HOOK3: variants seen among roughly 807,000 people sequenced by gnomAD.
The protein encoded by HOOK3 is hook microtubule tethering protein 3, also known as protein Hook homolog 3.
In HOOK3, 24 loss-of-function variants were observed where a neutral mutation model predicts 116.3. The observed-to-expected ratio is 0.21, with a 90% CI of 0.15 to 0.29. HOOK3 has a LOEUF of 0.29. Ranked by LOEUF, HOOK3 falls within the 10% of genes least tolerant of loss-of-function variation. The pLI is 1.00. For synonymous variants in HOOK3, 275 were observed against 283.0 expected, an observed-to-expected ratio of 0.97 and a Z score of 0.28; for missense variants, 632 against 830.2, an observed-to-expected ratio of 0.76 and a Z score of 2.93.
chr8:42,919,120 G>A (rs1333776406), intron 2 of HOOK3, among the ~76,000 whole-genome samples: 9 of 151,688 alleles, frequency 5.9e-5, no homozygotes, highest in Admixed American at 2.6e-4. Context: ...GGCGGCTGCC[G>A]GGTGGAGACG....
At chr8:42,976,764 G>A (rs1043614528) in intron 13 of HOOK3, among the ~76,000 whole-genome samples, 7 of 152,136 alleles carry the variant, frequency 4.6e-5, no homozygotes, top group African/African-American at 1.7e-4. Flanking sequence ...GGGCATGGTG[G>A]CGGGTGCCTA....
At chr8:42,966,682 A>T in intron 10 of HOOK3, 69 bp downstream of exon 10, 1 of 1,534,504 alleles carries the variant, frequency 6.5e-7, no homozygotes, top group East Asian at 2.3e-5. Flanking sequence ...GTTTCTGAGG[A>T]TCTAGCAAAC....
At position 43,021,201 on chromosome 8, in the gene HOOK3, A is replaced by G. The variant is rs924179213; in HGVS notation, c.*2703A>G. The G allele has an allele frequency of 4.0e-5, 7 of 174,612 alleles. No individual in the cohort carries two copies. The highest frequency in any genetic ancestry group is 1.8e-4 in the African/African-American group (7 of 39,938). 10.8% of individuals were successfully genotyped at this position (174,612 alleles called of 1,614,324 possible). A position where few individuals can be genotyped will look rare whatever the true frequency, so the allele number is the denominator to read the frequency against. The stretch of plus-strand genomic sequence containing the variant: ...TGAGAGGTTTTCATTTTCATTTTCT[A>G]TTTACAGCCCCAGTCCTAATCTCCT... On this transcript the variant is annotated 3_prime_UTR_variant, in exon 22 of 22. Coordinates refer to ENST00000307602, the MANE Select transcript of HOOK3 (RefSeq NM_032410.4).
At chr8:42,950,546 T>C (rs1460075254) in intron 6 of HOOK3, 91 bp downstream of exon 6, 1 of 726,166 alleles carries the variant, frequency 1.4e-6, no homozygotes, top group African/African-American at 1.8e-5. Context: ...TAAGAGATTC[T>C]CCTCATTTTT....
chr8:42,913,374 G>A (rs1807470427), intron 2 of HOOK3, among the ~76,000 whole-genome samples: 1 of 152,086 alleles, frequency 6.6e-6, no homozygotes, highest in Non-Finnish European at 1.5e-5. Flanking sequence ...TTATATAAAT[G>A]GACTCAGTAT....
At chr8:42,992,399 CAAAAAAAAAAA>C (rs36048747) in intron 15 of HOOK3, among the ~76,000 whole-genome samples, 2 of 38,936 alleles carry the variant, frequency 5.1e-5, no homozygotes, top group African/African-American at 2.1e-4. Flanking sequence ...GACTCTGTCT[CAAAAAAAAAAA>C]AAAAAAAAAA....
At position 42,982,800 on chromosome 8, in the gene HOOK3, C is replaced by A; in HGVS notation, c.1391+104C>A. ...TAATTTCCTTATTCTTTCTCACCGA[C>A]ACTTTCAACATGAACTCAGTGTTAA... On this transcript the variant is annotated intron_variant, in intron 14 of 21. Transcript: ENST00000307602. 1.3e-5 allele frequency: 10 copies of A among 746,224 alleles called. No individual in the cohort carries two copies. The South Asian group carries it at 1.4e-4, about 10-fold the overall frequency. 46.2% of individuals were successfully genotyped at this position (746,224 alleles called of 1,614,324 possible). A position where few individuals can be genotyped will look rare whatever the true frequency, so the allele number is the denominator to read the frequency against.
Position 43,026,056 on chromosome 8 carries a change from C to T in HOOK3, c.*7558C>T, listed in dbSNP as rs974071132. 2 of 208,238 alleles carry T rather than the reference C, an allele frequency of 9.6e-6. No homozygotes were observed. Among genetic ancestry groups the T allele is most frequent in the African/African-American group, 4.6e-5 (2 of 43,956 alleles). The allele number at this position is 208,238 out of a possible 1,614,324, so 12.9% of individuals were successfully genotyped here. A position where few individuals can be genotyped will look rare whatever the true frequency, so the allele number is the denominator to read the frequency against. On this transcript the variant is annotated 3_prime_UTR_variant, in exon 22 of 22. Transcript: ENST00000307602. ...CTTGAGAGAAAGAAGACTACCAAAGCATGTTGAGGCTTTAACATGGGAGAC... is the reference window on the plus strand; with the variant it reads ...CTTGAGAGAAAGAAGACTACCAAAGTATGTTGAGGCTTTAACATGGGAGAC...
chr8:43,009,388 TC>T (rs1331858687), intron 18 of HOOK3, among the ~76,000 whole-genome samples: 11 of 149,716 alleles, frequency 7.3e-5, no homozygotes, highest in Non-Finnish European at 1.5e-4. Flanking sequence ...TGAGACTGTC[TC>T]CAAAAAAAAA....
At chr8:42,922,968 T>C (rs568685749) in intron 2 of HOOK3, among the ~76,000 whole-genome samples, 1 of 151,732 alleles carries the variant, frequency 6.6e-6, no homozygotes, top group Non-Finnish European at 1.5e-5. Context: ...GTTAAGAGGC[T>C]GGTATCCTGA....
intron 14 of HOOK3, 56 bp downstream of exon 14, chr8:42,982,752 A>G (rs2130446853): frequency 2.8e-6 from 3 of 1,079,638 alleles, no homozygotes. Context: ...GAGAAAACGT[A>G]CTTCTCTACA....
chr8:42,941,174 T>A (rs1808112104), intron 4 of HOOK3, among the ~76,000 whole-genome samples: 1 of 151,080 alleles, frequency 6.6e-6, no homozygotes, highest in African/African-American at 2.4e-5. Context: ...TTCAAACTCC[T>A]GACCTCAGGT....
At chr8:42,955,731 C>G (rs924715419) in intron 6 of HOOK3, among the ~76,000 whole-genome samples, 1 of 152,086 alleles carries the variant, frequency 6.6e-6, no homozygotes, top group Non-Finnish European at 1.5e-5. Flanking sequence ...GCCTAGAAGT[C>G]TTCCTGATGT....
At chr8:43,014,056 G>C (rs1290605621) in intron 21 of HOOK3, among the ~76,000 whole-genome samples, 4 of 152,088 alleles carry the variant, frequency 2.6e-5, no homozygotes, top group African/African-American at 9.7e-5. Flanking sequence ...TGGGAGGCCA[G>C]GTGGGCGGAT....
At chr8:43,015,647 C>T (rs1809697474) in intron 21 of HOOK3, among the ~76,000 whole-genome samples, 1 of 152,192 alleles carries the variant, frequency 6.6e-6, no homozygotes, top group African/African-American at 2.4e-5. Context: ...TCTGTCTCTT[C>T]CCTGTCCTCC....
At chr8:42,990,371 C>T (rs1429447052) in intron 15 of HOOK3, among the ~76,000 whole-genome samples, 3 of 84,108 alleles carry the variant, frequency 3.6e-5, no homozygotes, top group African/African-American at 1.2e-4. Context: ...TTGAGGATCT[C>T]ACTCCTTCAC....
At chr8:42,990,769 C>G (rs532377741) in intron 15 of HOOK3, among the ~76,000 whole-genome samples, 4 of 152,086 alleles carry the variant, frequency 2.6e-5, no homozygotes, top group African/African-American at 4.8e-5. Flanking sequence ...CCCATTCTGT[C>G]GGTTGTCTCT....
intron 4 of HOOK3, among the ~76,000 whole-genome samples, chr8:42,932,828 A>G (rs1486214524): frequency 6.6e-6 from 1 of 152,178 alleles, no homozygotes; most frequent in Non-Finnish European, 1.5e-5. Flanking sequence ...TTGAGCCTAC[A>G]CTGCCGTTCA....
rs866906561 is a variant in HOOK3 at position 42,972,053 on chromosome 8, C to A, written c.1123-1236C>A. Among the ~76,000 whole-genome samples the A allele has an allele frequency of 3.9e-5, 6 of 152,286 alleles. No individual in the cohort carries two copies. In the South Asian group the frequency reaches 8.3e-4, roughly 21 times the overall value. ...TATGTATATTTTGTATCTGATAATT[C>A]CAATCTGAAATCCTTGGAGATCTTA... On this transcript the variant is annotated intron_variant, in intron 11 of 21. Coordinates refer to ENST00000307602, the MANE Select transcript of HOOK3 (RefSeq NM_032410.4).
Sources: gnomAD v4.1 joint callset for allele counts (sites outside exome capture counted in the v4.1 genomes callset) on GRCh38, gnomAD v4.1.1 for gene constraint, MANE v1.5 for transcripts, NCBI Gene and HGNC (gene_info 2026-07-23, HGNC 2026-07-21) for gene names.